Variants in SLC24A2 observed in about 807,000 individuals in gnomAD.
The protein encoded by SLC24A2 is sodium/potassium/calcium exchanger 2.
Under a neutral mutation model 62.0 loss-of-function variants are expected in SLC24A2, and 36 were observed. The ratio of observed to expected loss-of-function variants is 0.58; its 90% CI spans 0.44 to 0.77. The LOEUF (loss-of-function observed/expected upper bound fraction) is 0.77. Ranked by LOEUF, SLC24A2 falls within the 30% of genes least tolerant of loss-of-function variation. SLC24A2 has a pLI of 0.00. For missense variants in SLC24A2, 846 were observed against 817.9 expected (o/e 1.03, Z -0.42); for synonymous variants, 358 against 294.0 (o/e 1.22, Z -2.23).
chr9:19,566,560 C>T (rs1265474387), intron 7 of SLC24A2, among the ~76,000 whole-genome samples: 4 of 152,018 alleles, frequency 2.6e-5, no homozygotes, highest in Non-Finnish European at 5.9e-5. Flanking sequence ...GTGGCGATTC[C>T]TCAAGGATCT....
At chr9:19,518,122 G>A (rs192064046) in intron 10 of SLC24A2, among the ~76,000 whole-genome samples, 4 of 152,236 alleles carry the variant, frequency 2.6e-5, no homozygotes, top group Non-Finnish European at 1.5e-5. Context: ...CTCAGAAAAT[G>A]ATCATTTCAG....
the SLC24A2 span, among the ~76,000 whole-genome samples, chr9:19,881,979 A>C: frequency 6.6e-6 from 1 of 152,166 alleles, no homozygotes; most frequent in Admixed American, 6.5e-5. Flanking sequence ...TTAATAATTC[A>C]ACCTATGCCT....
the SLC24A2 span, among the ~76,000 whole-genome samples, chr9:19,815,574 T>C: frequency 6.6e-6 from 1 of 152,182 alleles, no homozygotes; most frequent in Non-Finnish European, 1.5e-5. Context: ...TTCTTAATCT[T>C]ATAGGCTCAG....
chr9:20,224,921 A>T, the SLC24A2 span, among the ~76,000 whole-genome samples: 1 of 151,840 alleles, frequency 6.6e-6, no homozygotes, highest in Admixed American at 6.6e-5. Context: ...GGGAGCTTGC[A>T]CTCTTCTCTT....
chr9:19,975,989 A>G, the SLC24A2 span, among the ~76,000 whole-genome samples: 68 of 152,236 alleles, frequency 4.5e-4, no homozygotes, highest in African/African-American at 1.6e-3. Flanking sequence ...TCCTGGGCTC[A>G]AGCGATCCTC....
intron 7 of SLC24A2, among the ~76,000 whole-genome samples, chr9:19,570,724 C>G (rs1184659176): frequency 6.6e-6 from 1 of 152,224 alleles, no homozygotes; most frequent in African/African-American, 2.4e-5. Context: ...GAAGCAAGTA[C>G]TGTTGCTATC....
the SLC24A2 span, among the ~76,000 whole-genome samples, chr9:19,851,137 T>G: frequency 6.8e-6 from 1 of 147,752 alleles, no homozygotes; most frequent in African/African-American, 2.5e-5. Flanking sequence ...AATTCTGCTG[T>G]GTCAGCCTCC....
chr9:20,240,625 G>A, the SLC24A2 span, among the ~76,000 whole-genome samples: 1 of 152,142 alleles, frequency 6.6e-6, no homozygotes, highest in African/African-American at 2.4e-5. Flanking sequence ...TTGGCACTCA[G>A]GTTCCTTTCT....
chr9:20,217,319 T>C, the SLC24A2 span, among the ~76,000 whole-genome samples: 853 of 152,202 alleles, frequency 5.6e-3, 18 homozygotes, highest in East Asian at 0.047. Flanking sequence ...AGGGGATGAG[T>C]AGTGATCAGA....
chr9:20,124,724 C>G, the SLC24A2 span, among the ~76,000 whole-genome samples: 1 of 152,158 alleles, frequency 6.6e-6, no homozygotes, highest in Non-Finnish European at 1.5e-5. Flanking sequence ...GTTTAATGTG[C>G]CCCCAGTTCC....
At chr9:19,887,164 T>G in the SLC24A2 span, among the ~76,000 whole-genome samples, 1 of 152,180 alleles carries the variant, frequency 6.6e-6, no homozygotes, top group South Asian at 2.1e-4. Flanking sequence ...TTTATCTATA[T>G]AGCAAACCTG....
chr9:19,964,451 G>A, the SLC24A2 span, among the ~76,000 whole-genome samples: 2 of 152,124 alleles, frequency 1.3e-5, no homozygotes, highest in East Asian at 1.9e-4. Flanking sequence ...AAAATGCTAG[G>A]TGCATGCTAA....
At chr9:19,865,034 G>A in the SLC24A2 span, among the ~76,000 whole-genome samples, 7 of 151,930 alleles carry the variant, frequency 4.6e-5, no homozygotes, top group African/African-American at 1.5e-4. Flanking sequence ...ATGTCTATAT[G>A]CCAACTGAAC....
chr9:19,688,488 C>T (rs530561921), intron 2 of SLC24A2, among the ~76,000 whole-genome samples: 19 of 151,968 alleles, frequency 1.3e-4, no homozygotes, highest in South Asian at 1.2e-3. Context: ...CTGGGGTATA[C>T]GGAAAAGCTG....
At chr9:19,636,876 C>T (rs1013921400) in intron 2 of SLC24A2, among the ~76,000 whole-genome samples, 1 of 152,058 alleles carries the variant, frequency 6.6e-6, no homozygotes, top group Non-Finnish European at 1.5e-5. Flanking sequence ...CCATCGGAGT[C>T]TTAAAAGTGT....
chr9:19,759,478 G>A (rs1165514925), intron 2 of SLC24A2, among the ~76,000 whole-genome samples: 5 of 152,206 alleles, frequency 3.3e-5, no homozygotes. Flanking sequence ...CATAAAAGCA[G>A]AACAATATTC....
At chr9:20,206,168 C>G in the SLC24A2 span, among the ~76,000 whole-genome samples, 2 of 152,118 alleles carry the variant, frequency 1.3e-5, no homozygotes, top group Non-Finnish European at 1.5e-5. Context: ...AAGAAACTAC[C>G]ACTTGTCAAG....
rs548540969 is a variant in SLC24A2 at position 19,780,082 on chromosome 9, A to G, written c.930+5855T>C. Among the ~76,000 whole-genome samples the G allele has an allele frequency of 4.6e-5, 7 of 152,218 alleles. No individual in the cohort carries two copies. The South Asian group carries it at 1.2e-3, about 27-fold the overall frequency. On this transcript the variant is annotated intron_variant, in intron 2 of 10. Coordinates refer to ENST00000341998, the MANE Select transcript of SLC24A2 (RefSeq NM_020344.4). ...CGTCTCAAAACAAAAATCAAAAACC[A>G]AAAACAAACAAACGGACAAAAAACA...
the SLC24A2 span, among the ~76,000 whole-genome samples, chr9:20,265,371 G>A: frequency 3.6e-4 from 55 of 152,300 alleles, no homozygotes; most frequent in African/African-American, 1.0e-3. Context: ...AAACCATGGC[G>A]GAAGAACATA....
Sources: gnomAD v4.1 joint callset for allele counts (sites outside exome capture counted in the v4.1 genomes callset) on GRCh38, gnomAD v4.1.1 for gene constraint, MANE v1.5 for transcripts, NCBI Gene and HGNC (gene_info 2026-07-23, HGNC 2026-07-21) for gene names.